DNAH12: variants seen among roughly 807,000 people sequenced by gnomAD.
The protein encoded by DNAH12 is axonemal beta dynein heavy chain 12.
In DNAH12, 285 loss-of-function variants were observed where a neutral mutation model predicts 371.5. The observed-to-expected ratio is 0.77, with a 90% CI of 0.70 to 0.85. DNAH12 has a LOEUF of 0.85. Ranked by LOEUF, DNAH12 falls within the 40% of genes least tolerant of loss-of-function variation. DNAH12 has a pLI of 0.00. For missense variants in DNAH12, 3,611 were observed against 3,689.4 expected (o/e 0.98, Z 0.55); for synonymous variants, 1,200 against 1,213.0 (o/e 0.99, Z 0.22).
chr3:57,433,350 T>C lies in DNAH12; in HGVS notation c.4980+17A>G. The C allele has an allele frequency of 6.5e-7, 1 of 1,544,956 alleles. No individual in the cohort carries two copies. Among genetic ancestry groups the C allele is most frequent in the East Asian group, 2.5e-5 (1 of 40,804 alleles). ...TTAATCATGGCTGAATCTGCTTCTC[T>C]TTTGATCATGATTTACCTTTTTATT... On this transcript the variant is annotated intron_variant, in intron 32 of 73. Transcript: ENST00000495027.
intron 28 of DNAH12, 61 bp downstream of exon 28, chr3:57,445,113 C>T (rs757486027): frequency 1.4e-6 from 2 of 1,459,352 alleles, no homozygotes; most frequent in Non-Finnish European, 1.8e-6. Context: ...TCCTGATTAA[C>T]CTCACTAAAG....
Position 57,310,886 on chromosome 3 carries a change from T to C in DNAH12, c.10727A>G (p.Asn3576Ser). Residue 3576 changes from asparagine to serine, a missense_variant, in exon 67 of 74, where the codon AAT (asparagine) becomes AGT (serine). Transcript: ENST00000495027. ...EAISYLTGEC[N>S]YGGRVTDDWD... ...ATCGTCTGTCACTCTTCCTCCATAA[T>C]TACACTCCCCAGTCAGGTAAGATAT... 6.4e-7 allele frequency: 1 copy of C among 1,551,616 alleles called. No homozygotes were observed. The highest frequency in any genetic ancestry group is 8.7e-7 in the Non-Finnish European group (1 of 1,146,930).
At chr3:57,424,970 C>A in intron 35 of DNAH12, 52 bp downstream of exon 35, 1 of 678,244 alleles carries the variant, frequency 1.5e-6, no homozygotes, top group South Asian at 1.6e-5. Flanking sequence ...ACATCATGTA[C>A]CAGAAGCATA....
At chr3:57,354,302 A>G (rs1335354345) in intron 59 of DNAH12, among the ~76,000 whole-genome samples, 2 of 152,248 alleles carry the variant, frequency 1.3e-5, no homozygotes, top group African/African-American at 4.8e-5. Flanking sequence ...CTGAGTACAC[A>G]TGGACACAAG....
chr3:57,400,647 G>A (rs1484483674), intron 43 of DNAH12, among the ~76,000 whole-genome samples: 6 of 152,138 alleles, frequency 3.9e-5, no homozygotes, highest in Non-Finnish European at 7.3e-5. Flanking sequence ...ATGTGAATGT[G>A]GTCCCTTTCA....
At chr3:57,342,589 C>T (rs2062429219) in intron 60 of DNAH12, among the ~76,000 whole-genome samples, 2 of 123,638 alleles carry the variant, frequency 1.6e-5, no homozygotes, top group Non-Finnish European at 3.2e-5. Context: ...ACACAGGAGG[C>T]AGGGGTTGCA....
intron 44 of DNAH12, among the ~76,000 whole-genome samples, chr3:57,392,436 A>T (rs1490523602): frequency 1.3e-5 from 2 of 152,184 alleles, no homozygotes; most frequent in Non-Finnish European, 2.9e-5. Context: ...ATTTTATACA[A>T]CAGTTAAAAA....
intron 62 of DNAH12, among the ~76,000 whole-genome samples, chr3:57,324,891 T>G (rs1037448006): frequency 1.3e-5 from 2 of 152,220 alleles, no homozygotes; most frequent in East Asian, 3.9e-4. Context: ...TCCGATGGGC[T>G]TAAAAAACGG....
intron 2 of DNAH12, among the ~76,000 whole-genome samples, chr3:57,532,544 G>A (rs1057149702): frequency 1.3e-5 from 2 of 152,146 alleles, no homozygotes; most frequent in African/African-American, 2.4e-5. Context: ...TGCATTAGGG[G>A]GCACCCCAAG....
chr3:57,440,525 G>A (rs1309543760), intron 29 of DNAH12, among the ~76,000 whole-genome samples: 1 of 152,166 alleles, frequency 6.6e-6, no homozygotes, highest in Non-Finnish European at 1.5e-5. Context: ...GGACTACTAA[G>A]GGGAAGAGAG....
chr3:57,490,815 G>A (rs868683222), intron 11 of DNAH12, among the ~76,000 whole-genome samples: 2 of 152,066 alleles, frequency 1.3e-5, no homozygotes, highest in African/African-American at 4.8e-5. Context: ...TAGGCCAGGC[G>A]TGGTGGCTCA....
chr3:57,341,795 G>A (rs58418917), intron 60 of DNAH12, among the ~76,000 whole-genome samples: 29,600 of 151,416 alleles, frequency 0.2, 3,130 homozygotes, highest in African/African-American at 0.23. Flanking sequence ...ACGAAAGACC[G>A]CAAATAGCCA....
chr3:57,349,630 G>T (rs1294995982), intron 60 of DNAH12, among the ~76,000 whole-genome samples: 3 of 152,156 alleles, frequency 2.0e-5, no homozygotes, highest in Non-Finnish European at 4.4e-5. Flanking sequence ...ATACTACTCA[G>T]CCATAAAAAG....
chr3:57,445,120 A>G (rs1484729166), intron 28 of DNAH12, 54 bp downstream of exon 28: 6 of 1,469,384 alleles, frequency 4.1e-6, no homozygotes, highest in South Asian at 1.4e-5. Context: ...TAACCTCACT[A>G]AAGAAAATTA....
At chr3:57,447,534 C>G (rs575463427) in intron 25 of DNAH12, among the ~76,000 whole-genome samples, 157 of 152,184 alleles carry the variant, frequency 1.0e-3, no homozygotes, top group African/African-American at 3.7e-3. Flanking sequence ...TGCTATGAAC[C>G]TAGAACTGCT....
chr3:57,295,728 ATG>A, intron 72 of DNAH12, 136 bp from the exon 73 acceptor site: 2 of 703,340 alleles, frequency 2.8e-6, no homozygotes, highest in Non-Finnish European at 4.4e-6. Context: ...AAAAAAGAAA[ATG>A]AGAAAATGGC....
intron 60 of DNAH12, among the ~76,000 whole-genome samples, chr3:57,343,559 T>C (rs770334610): frequency 2.6e-5 from 4 of 152,228 alleles, no homozygotes; most frequent in Non-Finnish European, 5.9e-5. Context: ...GTCCAAGGTT[T>C]CTCCCCATGT....
chr3:57,424,563 G>A (rs2064700159), intron 35 of DNAH12, among the ~76,000 whole-genome samples: 1 of 151,692 alleles, frequency 6.6e-6, no homozygotes, highest in Non-Finnish European at 1.5e-5. Flanking sequence ...GGATCACGAG[G>A]TCAGGAGTTC....
In DNAH12 at chr3:57,455,183, C is replaced by A. The variant is rs367561005; in HGVS notation, c.3337-289G>T. Reference sequence around the variant, plus strand: ...TTGATTTCTGTGTGATTTTTATGTTCCTTTGCTGTGGAGAGTTGTCAAGTT... The same window carrying A: ...TTGATTTCTGTGTGATTTTTATGTTACTTTGCTGTGGAGAGTTGTCAAGTT... On this transcript the variant is annotated intron_variant, in intron 22 of 73. Coordinates refer to ENST00000495027, the MANE Select transcript of DNAH12 (RefSeq NM_001366028.2). Among the ~76,000 whole-genome samples the A allele has an allele frequency of 1.3e-4, 19 of 151,968 alleles. No individual in the cohort carries two copies. In the South Asian group the frequency reaches 4.0e-3, roughly 32 times the overall value.
Sources: gnomAD v4.1 joint callset for allele counts (sites outside exome capture counted in the v4.1 genomes callset) on GRCh38, gnomAD v4.1.1 for gene constraint, MANE v1.5 for transcripts, NCBI Gene and HGNC (gene_info 2026-07-23, HGNC 2026-07-21) for gene names.